Variants in BCAS3 observed in about 807,000 individuals in gnomAD.
The protein encoded by BCAS3 is BCAS4/BCAS3 fusion.
A neutral mutation model predicts 116.1 loss-of-function variants in BCAS3; 53 were observed. The observed-to-expected ratio is 0.46, with a 90% confidence interval of 0.37 to 0.57. The LOEUF is 0.57. Ranked by LOEUF, BCAS3 falls within the 20% of genes least tolerant of loss-of-function variation. The probability of loss-of-function intolerance (pLI) is 0.00; values close to 1 mark genes in which losing one functional copy is unlikely to be tolerated. For missense variants in BCAS3, 917 were observed against 1,165.4 expected, an observed-to-expected ratio of 0.79 and a Z score of 3.10; for synonymous variants, 391 against 408.2, an observed-to-expected ratio of 0.96 and a Z score of 0.51.
intron 22 of BCAS3, among the ~76,000 whole-genome samples, chr17:61,184,678 T>C (rs1415672505): frequency 6.6e-6 from 1 of 152,174 alleles, no homozygotes; most frequent in Admixed American, 6.5e-5. Flanking sequence ...GCAGCTTCAT[T>C]CGCAATAGCC....
intron 10 of BCAS3, among the ~76,000 whole-genome samples, chr17:60,895,539 C>G (rs2057452305): frequency 6.6e-6 from 1 of 151,870 alleles, no homozygotes; most frequent in South Asian, 2.1e-4. Flanking sequence ...TTTCATTAGT[C>G]TATTTTGCTT....
chr17:61,388,838 C>T lies in BCAS3; in HGVS notation c.2594-3139C>T. ...ACACCCCTGCCTGCAGGGGGAGGAG[C>T]AGAAGGGGTCTGAGAGGAGGCGTGG... On this transcript the variant is annotated intron_variant, in intron 23 of 23. Transcript: ENST00000407086. This position sits in a 1 kb window ranked among gnomAD's most constrained non-coding sequence, Gnocchi z 6.5. 2 of 914,602 alleles carry T rather than the reference C, an allele frequency of 2.2e-6. No homozygotes were observed. Among genetic ancestry groups the T allele is most frequent in the South Asian group, 3.3e-5 (2 of 61,320 alleles). 56.7% of individuals were successfully genotyped at this position (914,602 alleles called of 1,614,324 possible).
intron 6 of BCAS3, among the ~76,000 whole-genome samples, chr17:60,767,650 A>G (rs971552081): frequency 6.6e-6 from 1 of 151,948 alleles, no homozygotes; most frequent in Non-Finnish European, 1.5e-5. Flanking sequence ...CCCAGCCATG[A>G]ATCTTTTTTT....
intron 14 of BCAS3, among the ~76,000 whole-genome samples, chr17:60,973,586 A>AATATATATATAT (rs34671111): frequency 1.4e-5 from 2 of 137,976 alleles, no homozygotes; most frequent in African/African-American, 5.7e-5. Context: ...CCTTATTATT[A>AATATATATATAT]ATATATATAT....
At chr17:61,152,663 A>G (rs1448135471) in intron 22 of BCAS3, among the ~76,000 whole-genome samples, 1 of 152,150 alleles carries the variant, frequency 6.6e-6, no homozygotes, top group Non-Finnish European at 1.5e-5. Context: ...CTAAGTTTCA[A>G]TCTTTTTATT....
At chr17:60,973,207 G>A (rs2062073800) in intron 14 of BCAS3, among the ~76,000 whole-genome samples, 1 of 151,904 alleles carries the variant, frequency 6.6e-6, no homozygotes, top group Non-Finnish European at 1.5e-5. Flanking sequence ...CACTTCCCTG[G>A]GCATCATTTC....
chr17:61,008,646 C>G lies in BCAS3; in HGVS notation c.1487-7105C>G, dbSNP rs1190319893. Among the ~76,000 whole-genome samples, 1 of 151,678 alleles carries G rather than the reference C, an allele frequency of 6.6e-6. No individual in the cohort carries two copies. Among genetic ancestry groups the G allele is most frequent in the Non-Finnish European group, 1.5e-5 (1 of 67,892 alleles). On this transcript the variant is annotated intron_variant, in intron 15 of 23. Transcript: ENST00000407086. The surrounding 1 kb of genome is among the most constrained non-coding windows in gnomAD (Gnocchi z 4.6). Reference sequence around the variant, plus strand: ...CAATTCCACAGCAAGATATTAAAAACAGTCCAAAAGCTTTGCTCTTCTGTA... The same window carrying G: ...CAATTCCACAGCAAGATATTAAAAAGAGTCCAAAAGCTTTGCTCTTCTGTA...
Position 61,141,712 on chromosome 17 carries a change from C to T in BCAS3, c.2425+57148C>T, listed in dbSNP as rs2076926118. ...GGTCAAGAGATCAAGACCATCCCGG[C>T]CAACATGATGAAACCCCACCTCTAC... is the stretch of plus-strand genomic sequence containing the variant. On this transcript the variant is annotated intron_variant, in intron 22 of 23. Coordinates refer to ENST00000407086, the MANE Select transcript of BCAS3 (RefSeq NM_017679.5). This position sits in a 1 kb window ranked among gnomAD's most constrained non-coding sequence, Gnocchi z 4.3. Among the ~76,000 whole-genome samples, 3 of 151,698 alleles carry T rather than the reference C, an allele frequency of 2.0e-5. No homozygotes were observed. The highest frequency in any genetic ancestry group is 2.0e-4 in the Admixed American group (3 of 15,222).
At chr17:61,184,291 A>G (rs1234374492) in intron 22 of BCAS3, among the ~76,000 whole-genome samples, 1 of 152,144 alleles carries the variant, frequency 6.6e-6, no homozygotes, top group South Asian at 2.1e-4. Flanking sequence ...TTATAACTCA[A>G]TAATGAGGAA....
chr17:61,221,126 G>A (rs1266822853), intron 22 of BCAS3, among the ~76,000 whole-genome samples: 1 of 152,200 alleles, frequency 6.6e-6, no homozygotes, highest in Non-Finnish European at 1.5e-5. Context: ...GTGGTTCATA[G>A]TAGAATCCCA....
chr17:60,970,647 A>T (rs142262709), intron 14 of BCAS3, among the ~76,000 whole-genome samples: 1 of 152,240 alleles, frequency 6.6e-6, no homozygotes, highest in Non-Finnish European at 1.5e-5. Flanking sequence ...GTATGCACGT[A>T]GACTCAGTTT....
chr17:60,975,088 G>C (rs1485774318), intron 14 of BCAS3, among the ~76,000 whole-genome samples: 1 of 149,844 alleles, frequency 6.7e-6, no homozygotes, highest in African/African-American at 2.5e-5. Context: ...TGCAAGCTCC[G>C]CCTCCCGGGT....
Position 61,222,910 on chromosome 17 carries a change from T to G in BCAS3, c.2425+138346T>G, listed in dbSNP as rs2082185005. 6.6e-6 allele frequency among the ~76,000 whole-genome samples: 1 copy of G among 152,190 alleles called. No homozygotes were observed. The highest frequency in any genetic ancestry group is 2.4e-5 in the African/African-American group (1 of 41,444). On this transcript the variant is annotated intron_variant, in intron 22 of 23. Coordinates refer to ENST00000407086, the MANE Select transcript of BCAS3 (RefSeq NM_017679.5). This position sits in a 1 kb window ranked among gnomAD's most constrained non-coding sequence, Gnocchi z 6.1. ...CCTTTCTGAAAGATGGGGGTTGTAA[T>G]TTGTTTGCTGTTTAGGAGCCAGCCC...
chr17:60,833,280 A>G (rs1470931377), intron 7 of BCAS3, among the ~76,000 whole-genome samples: 1 of 152,206 alleles, frequency 6.6e-6, no homozygotes, highest in Non-Finnish European at 1.5e-5. Flanking sequence ...TACCTTTTAG[A>G]TAATTCTTGA....
intron 7 of BCAS3, among the ~76,000 whole-genome samples, chr17:60,830,334 C>T (rs1475672843): frequency 6.6e-6 from 1 of 152,114 alleles, no homozygotes; most frequent in Non-Finnish European, 1.5e-5. Flanking sequence ...AACTGTAAAA[C>T]TAACTGTAAC....
Position 61,228,968 on chromosome 17 carries a change from AG to A in BCAS3, c.2426-139357del, listed in dbSNP as rs146503672. On this transcript the variant is annotated intron_variant, in intron 22 of 23. Transcript: ENST00000407086. The surrounding 1 kb of genome is among the most constrained non-coding windows in gnomAD (Gnocchi z 5.0). ...GCAGTTAGCCGAGTTGTTAATGTAA[AG>A]GAAAAGTTCTTGAAGGGAATTAAAA... Among the ~76,000 whole-genome samples the A allele has an allele frequency of 0.067, 10,228 of 152,282 alleles. 466 individuals are homozygous for A. Among genetic ancestry groups the A allele is most frequent in the African/African-American group, 0.13 (5,288 of 41,552 alleles).
chr17:61,276,073 G>A lies in BCAS3; in HGVS notation c.2426-92254G>A, dbSNP rs1056441419. Among the ~76,000 whole-genome samples, 6 of 152,072 alleles carry A rather than the reference G, an allele frequency of 3.9e-5. No individual in the cohort carries two copies. The highest frequency in any genetic ancestry group is 7.4e-5 in the Non-Finnish European group (5 of 68,022). ...TATATAAAAATCACTTGTGTTGGCC[G>A]GGTGCGGTGGCTCACGCGTGTAATC... On this transcript the variant is annotated intron_variant, in intron 22 of 23. Transcript: ENST00000407086. This position sits in a 1 kb window ranked among gnomAD's most constrained non-coding sequence, Gnocchi z 4.2.
chr17:61,326,965 A>G lies in BCAS3; in HGVS notation c.2426-41362A>G, dbSNP rs2055779672. Among the ~76,000 whole-genome samples, 1 of 152,238 alleles carries G rather than the reference A, an allele frequency of 6.6e-6. No homozygotes were observed. Among genetic ancestry groups the G allele is most frequent in the Non-Finnish European group, 1.5e-5 (1 of 68,046 alleles). ...AAAGAAATAACAAATAGTAGAAGGA[A>G]AAATATTTTTAAAGGAAATATAAAA... On this transcript the variant is annotated intron_variant, in intron 22 of 23. Coordinates refer to ENST00000407086, the MANE Select transcript of BCAS3 (RefSeq NM_017679.5). The surrounding 1 kb of genome is among the most constrained non-coding windows in gnomAD (Gnocchi z 5.3).
chr17:61,260,529 A>G (rs1383671991), intron 22 of BCAS3, among the ~76,000 whole-genome samples: 2 of 152,198 alleles, frequency 1.3e-5, no homozygotes, highest in Non-Finnish European at 2.9e-5. Context: ...ATGAAGGCTG[A>G]CAACTCTCTT....
Sources: allele counts gnomAD v4.1 joint callset (sites outside exome capture counted in the v4.1 genomes callset), GRCh38; gene constraint gnomAD v4.1.1; non-coding constraint Gnocchi (gnomAD v3.1); transcripts MANE v1.5; gene names NCBI Gene and HGNC (gene_info 2026-07-23, HGNC 2026-07-21).